XPO4: variants seen among roughly 807,000 people sequenced by gnomAD.
XPO4 encodes the protein exportin-4.
A neutral mutation model predicts 143.0 loss-of-function variants in XPO4; 39 were observed. That is an observed-to-expected ratio of 0.27 (90% CI 0.21 to 0.36). XPO4 has a LOEUF of 0.36. XPO4 is among the 10% of genes least tolerant of loss of function. The probability of loss-of-function intolerance (pLI) is 1.00; values close to 1 mark genes in which losing one functional copy is unlikely to be tolerated. For synonymous variants in XPO4, 439 were observed against 474.0 expected, an observed-to-expected ratio of 0.93 and a Z score of 0.96; for missense variants, 907 against 1,348.0, an observed-to-expected ratio of 0.67 and a Z score of 5.12.
At chr13:20,882,659 G>A (rs920508404) in intron 1 of XPO4, among the ~76,000 whole-genome samples, 34 of 152,224 alleles carry the variant, frequency 2.2e-4, no homozygotes, top group African/African-American at 7.2e-4. Context: ...AGGCCGAGGT[G>A]GGTGGGTCAC....
At chr13:20,834,442 C>G (rs561707054) in intron 6 of XPO4, among the ~76,000 whole-genome samples, 1 of 151,348 alleles carries the variant, frequency 6.6e-6, no homozygotes, top group South Asian at 2.1e-4. Context: ...CATCATGATG[C>G]GTGCCTATAG....
chr13:20,828,189 G>A (rs1256264119), intron 6 of XPO4, among the ~76,000 whole-genome samples: 1 of 151,730 alleles, frequency 6.6e-6, no homozygotes, highest in African/African-American at 2.4e-5. Context: ...GCAGTGAGCC[G>A]AGATCACACC....
chr13:20,868,261 T>C (rs2060261956), intron 2 of XPO4, among the ~76,000 whole-genome samples: 1 of 151,748 alleles, frequency 6.6e-6, no homozygotes, highest in African/African-American at 2.4e-5. Flanking sequence ...GGCTAAAAGA[T>C]ACTATAGTAC....
Position 20,902,148 on chromosome 13 carries a change from C to T in XPO4, c.69+522G>A, listed in dbSNP as rs1346467765. 4 of 985,278 alleles carry T rather than the reference C, an allele frequency of 4.1e-6. No homozygotes were observed. The South Asian group carries it at 1.4e-4, about 35-fold the overall frequency. The allele number at this position is 985,278 out of a possible 1,614,324, so 61.0% of individuals were successfully genotyped here. ...CCTCCCTCCAGCCGGCCCGGCCCTT[C>T]CACGTGCTGCCGGCTGCAATTACTC... is the stretch of plus-strand genomic sequence containing the variant. On this transcript the variant is annotated intron_variant, in intron 1 of 22. Transcript: ENST00000255305.
intron 1 of XPO4, chr13:20,869,665 A>T: frequency 1.3e-6 from 1 of 748,452 alleles, no homozygotes; most frequent in Non-Finnish European, 1.6e-6. Context: ...ATAAAAAAAA[A>T]AGTTATTCAC....
chr13:20,880,325 G>A (rs1303379579), intron 1 of XPO4, among the ~76,000 whole-genome samples: 2 of 152,096 alleles, frequency 1.3e-5, no homozygotes, highest in African/African-American at 2.4e-5. Context: ...CCAGCTACTC[G>A]GGAAGCTGAG....
In XPO4 at chr13:20,780,560, A is replaced by G. The variant is rs1255197284; in HGVS notation, c.*3162T>C. The stretch of plus-strand genomic sequence containing the variant: ...GATACTTGCTTTTCAAATGAAAATC[A>G]TGGACAAGTGGTAGTAACCATCCCA... On this transcript the variant is annotated 3_prime_UTR_variant, in exon 23 of 23. Coordinates refer to ENST00000255305, the MANE Select transcript of XPO4 (RefSeq NM_022459.5). 1 of 152,238 alleles carries G rather than the reference A, an allele frequency of 6.6e-6. No homozygotes were observed. The highest frequency in any genetic ancestry group is 1.5e-5 in the Non-Finnish European group (1 of 68,048). The allele number at this position is 152,238 out of a possible 1,614,324, so 9.4% of individuals were successfully genotyped here.
chr13:20,796,003 C>G, intron 18 of XPO4, 73 bp downstream of exon 18: 1 of 1,429,136 alleles, frequency 7.0e-7, no homozygotes. Flanking sequence ...ATGTCTCTTA[C>G]AGAAAACAAT....
At chr13:20,867,878 G>A (rs1213249282) in intron 2 of XPO4, among the ~76,000 whole-genome samples, 1 of 152,098 alleles carries the variant, frequency 6.6e-6, no homozygotes, top group African/African-American at 2.4e-5. Context: ...GCAGTAATCA[G>A]CTTATAAAAT....
At chr13:20,844,574 C>T (rs2060011271) in intron 4 of XPO4, among the ~76,000 whole-genome samples, 1 of 152,154 alleles carries the variant, frequency 6.6e-6, no homozygotes, top group Admixed American at 6.5e-5. Context: ...GAAATATGCA[C>T]ACTACCTCTG....
At chr13:20,897,912 C>T (rs1206038972) in intron 1 of XPO4, among the ~76,000 whole-genome samples, 4 of 152,098 alleles carry the variant, frequency 2.6e-5, no homozygotes, top group Non-Finnish European at 5.9e-5. Context: ...ACCACCTCGC[C>T]CAGATAATTT....
rs1595119581 is a variant in XPO4, at chr13:20,840,984, C to T, written c.727+1911G>A. On this transcript the variant is annotated intron_variant, in intron 6 of 22. Coordinates refer to ENST00000255305, the MANE Select transcript of XPO4 (RefSeq NM_022459.5). ...GATTTTCCAAAGCTTTATCTAAGTA[C>T]TTTATAAAATATTTTATGTGTGTGT... is the stretch of plus-strand genomic sequence containing the variant. 2.6e-5 allele frequency among the ~76,000 whole-genome samples: 4 copies of T among 152,278 alleles called. No individual in the cohort carries two copies. In the South Asian group the frequency reaches 6.2e-4, roughly 24 times the overall value.
At chr13:20,789,984 C>G (rs1337991912) in intron 19 of XPO4, among the ~76,000 whole-genome samples, 1 of 152,148 alleles carries the variant, frequency 6.6e-6, no homozygotes, top group Non-Finnish European at 1.5e-5. Context: ...TGTGCAAAAA[C>G]TTTAAAACAG....
At chr13:20,881,690 C>T (rs995776522) in intron 1 of XPO4, among the ~76,000 whole-genome samples, 11 of 152,108 alleles carry the variant, frequency 7.2e-5, no homozygotes, top group African/African-American at 2.7e-4. Context: ...GGAGTACACA[C>T]AATCACATAT....
At chr13:20,870,089 C>CAAAAAAAAAA (rs59710121) in intron 1 of XPO4, among the ~76,000 whole-genome samples, 2 of 98,932 alleles carry the variant, frequency 2.0e-5, no homozygotes, top group African/African-American at 4.5e-5. Flanking sequence ...GAAGGAGTCT[C>CAAAAAAAAAA]AAAAAAAAAA....
At chr13:20,885,720 C>T (rs987785952) in intron 1 of XPO4, among the ~76,000 whole-genome samples, 4 of 152,164 alleles carry the variant, frequency 2.6e-5, no homozygotes, top group Non-Finnish European at 4.4e-5. Flanking sequence ...AGGAAGATCA[C>T]ATGAGGTCAG....
chr13:20,784,445 C>A (rs2059175565), intron 22 of XPO4, among the ~76,000 whole-genome samples: 1 of 152,190 alleles, frequency 6.6e-6, no homozygotes, highest in African/African-American at 2.4e-5. Context: ...GTGCCTTCTC[C>A]AAGTGGAGCA....
chr13:20,850,275 C>G, intron 4 of XPO4: 1 of 981,778 alleles, frequency 1.0e-6, no homozygotes, highest in Non-Finnish European at 1.2e-6. Flanking sequence ...GGCACAAATA[C>G]TTGCTGAATA....
At chr13:20,863,596 C>T (rs928893170) in intron 2 of XPO4, among the ~76,000 whole-genome samples, 12 of 152,112 alleles carry the variant, frequency 7.9e-5, no homozygotes, top group Admixed American at 1.3e-4. Context: ...TATTAATTTT[C>T]TATTTTTTCC....
Sources: gnomAD v4.1 joint callset for allele counts (sites outside exome capture counted in the v4.1 genomes callset) on GRCh38, gnomAD v4.1.1 for gene constraint, MANE v1.5 for transcripts, NCBI Gene and HGNC (gene_info 2026-07-23, HGNC 2026-07-21) for gene names.